FOCAD: variants seen among roughly 807,000 people sequenced by gnomAD.
FOCAD encodes KIAA1797.
In FOCAD, 198 loss-of-function variants were observed where a neutral mutation model predicts 225.6. That is an observed-to-expected ratio of 0.88 (90% CI 0.78 to 0.99). The LOEUF is 0.99. Among genes scored for constraint, FOCAD ranks in the 50% least tolerant of loss-of-function variants. The probability of loss-of-function intolerance (pLI) is 0.00; values close to 1 mark genes in which losing one functional copy is unlikely to be tolerated. For synonymous variants in FOCAD, 897 were observed against 755.0 expected (o/e 1.19, Z -3.08); for missense variants, 2,713 against 2,123.6 (o/e 1.28, Z -5.46).
chr9:20,765,681 G>T lies in FOCAD; in HGVS notation c.699+608G>T, dbSNP rs569696892. Among the ~76,000 whole-genome samples the T allele has an allele frequency of 3.9e-5, 6 of 152,240 alleles. 1 individual carries two copies. The highest frequency in any genetic ancestry group is 1.3e-4 in the Admixed American group (2 of 15,286). On this transcript the variant is annotated intron_variant, in intron 7 of 43. Transcript: ENST00000338382. ...GTTAACAGAGGTATGGATAAAACAC[G>T]GACACAGTTCAGGGGAAAGAGAAAT...
chr9:20,688,381 A>G (rs1371878657), intron 1 of FOCAD, among the ~76,000 whole-genome samples: 1 of 152,056 alleles, frequency 6.6e-6, no homozygotes, highest in Non-Finnish European at 1.5e-5. Flanking sequence ...AGTCAAGGAT[A>G]CCTCCTAGGT....
intron 8 of FOCAD, among the ~76,000 whole-genome samples, chr9:20,776,465 A>G (rs1389675981): frequency 6.6e-6 from 1 of 152,236 alleles, no homozygotes. Flanking sequence ...TTAAAAATCA[A>G]TCAATCAAAA....
intron 15 of FOCAD, among the ~76,000 whole-genome samples, chr9:20,838,347 T>C (rs1251450297): frequency 6.6e-6 from 1 of 152,100 alleles, no homozygotes; most frequent in Non-Finnish European, 1.5e-5. Flanking sequence ...GAATGTATTA[T>C]GCCTTAGGTT....
chr9:20,949,045 G>T, intron 32 of FOCAD, 117 bp downstream of exon 32: 1 of 874,800 alleles, frequency 1.1e-6, no homozygotes, highest in South Asian at 1.6e-5. Context: ...CATGGTAATA[G>T]TTACACCAGA....
intron 17 of FOCAD, 42 bp from the exon 18 acceptor site, chr9:20,866,887 G>GTTTTTTTTTTTTTTTTTTTTT (rs745582856): frequency 4.4e-6 from 2 of 451,156 alleles, no homozygotes; most frequent in African/African-American, 7.4e-5. Context: ...TTGTTTGCTT[G>GTTTTTTTTTTTTTTTTTTTTT]CTTTTTTTTT....
upstream of FOCAD, among the ~76,000 whole-genome samples, chr9:20,658,148 G>C: frequency 6.6e-6 from 1 of 151,564 alleles, no homozygotes; most frequent in African/African-American, 2.4e-5. Context: ...CAGATCTCCA[G>C]CTGCGTGGTG....
At position 20,696,802 on chromosome 9, in the gene FOCAD, T is replaced by TATAATA. The variant is rs550289375; in HGVS notation, c.-33+12530_-33+12535dup. 2.9e-3 allele frequency among the ~76,000 whole-genome samples: 444 copies of TATAATA among 150,960 alleles called. 1 individual carries two copies. Among genetic ancestry groups the TATAATA allele is most frequent in the Middle Eastern group, 7.0e-3 (2 of 284 alleles). On this transcript the variant is annotated intron_variant, in intron 1 of 43. Transcript: ENST00000338382. ...CCTGGGTGACAGCAAGACTCTATCT[T>TATAATA]ATAATAATAATAATAATAATAATAA...
At chr9:20,738,123 A>G (rs555031362) in intron 4 of FOCAD, among the ~76,000 whole-genome samples, 1 of 152,268 alleles carries the variant, frequency 6.6e-6, no homozygotes, top group East Asian at 1.9e-4. Flanking sequence ...AAAAGTTTGG[A>G]TGTTGAGGTA....
At chr9:20,759,510 C>T (rs10964686) in intron 6 of FOCAD, among the ~76,000 whole-genome samples, 31,162 of 151,940 alleles carry the variant, frequency 0.21, 3,451 homozygotes, top group Non-Finnish European at 0.24. Context: ...GCTAGCCATA[C>T]GGAGAAAGCT....
chr9:20,907,362 T>C, intron 22 of FOCAD, 120 bp downstream of exon 22: 1 of 777,502 alleles, frequency 1.3e-6, no homozygotes, highest in South Asian at 1.6e-5. Context: ...AATGTAATGG[T>C]TATTTTTACT....
chr9:20,749,174 GCT>G (rs1828324886), intron 5 of FOCAD, among the ~76,000 whole-genome samples: 1 of 151,998 alleles, frequency 6.6e-6, no homozygotes, highest in South Asian at 2.1e-4. Context: ...TAAAACCCTG[GCT>G]CTCTAAAAGG....
chr9:20,854,872 T>G (rs939084067), intron 15 of FOCAD, among the ~76,000 whole-genome samples: 1 of 151,816 alleles, frequency 6.6e-6, no homozygotes, highest in Non-Finnish European at 1.5e-5. Context: ...GATTTAGCAT[T>G]GTAGGCTGGC....
At chr9:20,917,053 C>T (rs999760910) in intron 24 of FOCAD, 116 bp downstream of exon 24, 5 of 770,698 alleles carry the variant, frequency 6.5e-6, no homozygotes, top group Non-Finnish European at 1.0e-5. Context: ...GAGTACTTTT[C>T]AATTATTTTT....
intron 15 of FOCAD, among the ~76,000 whole-genome samples, chr9:20,846,245 A>C (rs1827097723): frequency 2.6e-5 from 4 of 152,034 alleles, no homozygotes. Flanking sequence ...TGTACTCTTT[A>C]TTTCTGTGTG....
At position 20,781,835 on chromosome 9, in the gene FOCAD, T is replaced by C. The variant is rs767136203; in HGVS notation, c.1103T>C (p.Ile368Thr). ...TCTTCTACTGCCTTGGAAGACTGTA[T>C]ATCTGTGGATGAAGAAGGTCCCTCT... Reference protein sequence around the residue: ...ILSSTALEDCISVDEEGPSRQ... With the variant: ...ILSSTALEDCTSVDEEGPSRQ... The change falls in exon 10 of 44, where the codon ATA (isoleucine) becomes ACA (threonine). Residue 368 changes from isoleucine (I) to threonine (T), a missense_variant. Transcript: ENST00000338382. The C allele has an allele frequency of 6.2e-7, 1 of 1,614,172 alleles. No homozygotes were observed. The highest frequency in any genetic ancestry group is 2.2e-5 in the East Asian group (1 of 44,872).
At position 20,986,358 on chromosome 9, in the gene FOCAD, T is replaced by C. The variant is rs1486348732; in HGVS notation, c.4799T>C (p.Leu1600Pro). 1.3e-6 allele frequency: 2 copies of C among 1,591,674 alleles called. No homozygotes were observed. Among genetic ancestry groups the C allele is most frequent in the Non-Finnish European group, 1.7e-6 (2 of 1,169,188 alleles). The stretch of plus-strand genomic sequence containing the variant: ...CAAGGACGATTCCCCTTGGTGAACC[T>C]GACCGATATGCTGAGCGTTGCTGTG... ...VSQGRFPLVN[L>P]TDMLSVAVQH... The change falls in exon 40 of 44, where the codon CTG becomes CCG. Residue 1600 changes from leucine (L) to proline (P), a missense_variant. Leu to Pro is a moderately conservative substitution (Grantham distance 98, BLOSUM62 -3). Coordinates refer to ENST00000338382, the MANE Select transcript of FOCAD (RefSeq NM_001375567.1).
At chr9:20,897,303 G>A (rs1832172800) in intron 21 of FOCAD, among the ~76,000 whole-genome samples, 4 of 151,562 alleles carry the variant, frequency 2.6e-5, no homozygotes, top group Non-Finnish European at 5.9e-5. Context: ...TAGATTTCTT[G>A]TAGACAACAT....
At chr9:20,846,074 T>C (rs1015983232) in intron 15 of FOCAD, among the ~76,000 whole-genome samples, 1 of 152,126 alleles carries the variant, frequency 6.6e-6, no homozygotes, top group African/African-American at 2.4e-5. Context: ...AGACTCAAGT[T>C]AGACATTTAG....
At chr9:20,928,327 T>C (rs955221612) in intron 26 of FOCAD, among the ~76,000 whole-genome samples, 4 of 152,210 alleles carry the variant, frequency 2.6e-5, no homozygotes, top group African/African-American at 9.6e-5. Context: ...TGAGTAACAT[T>C]ATCATTAAAA....
Sources: gnomAD v4.1 joint callset for allele counts (sites outside exome capture counted in the v4.1 genomes callset) on GRCh38, gnomAD v4.1.1 for gene constraint, MANE v1.5 for transcripts, NCBI Gene and HGNC (gene_info 2026-07-23, HGNC 2026-07-21) for gene names.